The following ZSWIM5 variants were observed in gnomAD, a reference collection of about 807,000 sequenced individuals.
The protein encoded by ZSWIM5 is zinc finger SWIM domain-containing protein 5.
Under a neutral mutation model 119.6 loss-of-function variants are expected in ZSWIM5, and 55 were observed. The ratio of observed to expected loss-of-function variants is 0.46; its 90% CI spans 0.37 to 0.58. The LOEUF (loss-of-function observed/expected upper bound fraction) is 0.58, where lower values mean the gene tolerates loss of function less well. ZSWIM5 is among the 20% of genes least tolerant of loss of function. ZSWIM5 has a pLI of 0.00. For synonymous variants in ZSWIM5, 537 were observed against 606.9 expected (o/e 0.88, Z 1.69); for missense variants, 1,193 against 1,512.8 (o/e 0.79, Z 3.51).
intron 1 of ZSWIM5, among the ~76,000 whole-genome samples, chr1:45,112,430 G>A (rs1016505485): frequency 6.6e-6 from 1 of 152,182 alleles, no homozygotes; most frequent in African/African-American, 2.4e-5. Flanking sequence ...TTATTTCATT[G>A]TAGTGAGAAA....
intron 1 of ZSWIM5, among the ~76,000 whole-genome samples, chr1:45,203,560 G>A (rs1646170422): frequency 6.6e-6 from 1 of 151,986 alleles, no homozygotes; most frequent in South Asian, 2.1e-4. Flanking sequence ...AATTAATTGA[G>A]TTTGAAGTGC....
intron 2 of ZSWIM5, among the ~76,000 whole-genome samples, chr1:45,077,668 T>C (rs2149007235): frequency 6.6e-6 from 1 of 152,294 alleles, no homozygotes; most frequent in African/African-American, 2.4e-5. Context: ...GAATTTCCTC[T>C]TCCTAATAAG....
chr1:45,043,158 C>A, intron 6 of ZSWIM5, 61 bp downstream of exon 6: 1 of 1,551,056 alleles, frequency 6.4e-7, no homozygotes, highest in South Asian at 1.1e-5. Flanking sequence ...GAAGATGGCT[C>A]ATTTGGGCCT....
intron 1 of ZSWIM5, among the ~76,000 whole-genome samples, chr1:45,142,107 G>A (rs901844008): frequency 1.3e-5 from 2 of 152,048 alleles, no homozygotes; most frequent in African/African-American, 4.8e-5. Flanking sequence ...CTACTCAGGA[G>A]AACAAGGTGA....
At chr1:45,120,292 C>T (rs1320491254) in intron 1 of ZSWIM5, among the ~76,000 whole-genome samples, 3 of 152,164 alleles carry the variant, frequency 2.0e-5, no homozygotes, top group African/African-American at 4.8e-5. Flanking sequence ...CGCAGTGAGC[C>T]GCCACCACAC....
At position 45,169,566 on chromosome 1, in the gene ZSWIM5, T is replaced by G. The variant is rs549293574; in HGVS notation, c.595+36190A>C. Among the ~76,000 whole-genome samples, 21 of 152,162 alleles carry G rather than the reference T, an allele frequency of 1.4e-4. 1 individual carries two copies. The South Asian group carries it at 4.1e-3, about 30-fold the overall frequency. ...ACCATACTGTCTCTTCCTACTTCAA[T>G]TTAAATGACACAGAACTGCCAGATT... is the stretch of plus-strand genomic sequence containing the variant. On this transcript the variant is annotated intron_variant, in intron 1 of 13. Coordinates refer to ENST00000359600, the MANE Select transcript of ZSWIM5 (RefSeq NM_020883.2).
intron 1 of ZSWIM5, among the ~76,000 whole-genome samples, chr1:45,184,422 T>A (rs1646043551): frequency 6.6e-6 from 1 of 152,122 alleles, no homozygotes; most frequent in Non-Finnish European, 1.5e-5. Context: ...GAGAAGGAAA[T>A]AAAGGGTATT....
In ZSWIM5 at chr1:45,016,780, CTT is replaced by C. The variant is rs1557736560; in HGVS notation, c.*1672_*1673del. 6.6e-6 allele frequency: 1 copy of C among 152,246 alleles called. No individual in the cohort carries two copies. The highest frequency in any genetic ancestry group is 1.5e-5 in the Non-Finnish European group (1 of 68,058). 9.4% of individuals were successfully genotyped at this position (152,246 alleles called of 1,614,324 possible). A position where few individuals can be genotyped will look rare whatever the true frequency, so the allele number is the denominator to read the frequency against. On this transcript the variant is annotated 3_prime_UTR_variant, in exon 14 of 14. Coordinates refer to ENST00000359600, the MANE Select transcript of ZSWIM5 (RefSeq NM_020883.2). ...ACACCAAGACACTGGTTCCAACTGA[CTT>C]TTCTGAGTGCCCTTGCTACCTCCTA...
intron 2 of ZSWIM5, among the ~76,000 whole-genome samples, chr1:45,080,628 A>T (rs144646518): frequency 1.1e-4 from 17 of 152,266 alleles, no homozygotes; most frequent in Non-Finnish European, 2.2e-4. Context: ...TTATGTGGGT[A>T]CTTTTTTTGT....
At chr1:45,046,261 G>T (rs59682873) in intron 5 of ZSWIM5, among the ~76,000 whole-genome samples, 18 of 152,170 alleles carry the variant, frequency 1.2e-4, no homozygotes, top group Non-Finnish European at 2.6e-4. Flanking sequence ...TAAGGTGGAA[G>T]GGCAGAAGAA....
intron 5 of ZSWIM5, among the ~76,000 whole-genome samples, chr1:45,050,458 C>T (rs1645082684): frequency 6.6e-6 from 1 of 152,180 alleles, no homozygotes; most frequent in Admixed American, 6.5e-5. Context: ...CAATTGACAA[C>T]ATCAAATAGA....
At chr1:45,205,659 G>T in intron 1 of ZSWIM5, 97 bp downstream of exon 1, 1 of 1,292,012 alleles carries the variant, frequency 7.7e-7, no homozygotes. Flanking sequence ...CAGGAGTTGG[G>T]CAGAAGGCCG....
chr1:45,180,736 C>A (rs1277758080), intron 1 of ZSWIM5, among the ~76,000 whole-genome samples: 2 of 152,234 alleles, frequency 1.3e-5, no homozygotes, highest in Admixed American at 1.3e-4. Context: ...TGAGACAAAG[C>A]TTCCAGAGGA....
At chr1:45,068,492 G>A (rs963234736) in intron 2 of ZSWIM5, among the ~76,000 whole-genome samples, 12 of 44,208 alleles carry the variant, frequency 2.7e-4, no homozygotes, top group Admixed American at 9.0e-4. Context: ...GCGAAACTCC[G>A]TCTCAAAAAA....
chr1:45,115,901 CG>C (rs1431165958), intron 1 of ZSWIM5, among the ~76,000 whole-genome samples: 5 of 152,140 alleles, frequency 3.3e-5, no homozygotes, highest in African/African-American at 1.2e-4. Context: ...CCAAGGCAGG[CG>C]GCTGGGAGGT....
At chr1:45,090,607 TG>T (rs1570085125) in intron 1 of ZSWIM5, among the ~76,000 whole-genome samples, 1 of 151,756 alleles carries the variant, frequency 6.6e-6, no homozygotes, top group East Asian at 1.9e-4. Context: ...AAAAAATTTG[TG>T]ACCTGACTGC....
At chr1:45,160,506 C>T (rs1354927588) in intron 1 of ZSWIM5, among the ~76,000 whole-genome samples, 2 of 152,076 alleles carry the variant, frequency 1.3e-5, no homozygotes, top group Non-Finnish European at 2.9e-5. Flanking sequence ...TTAGCTTCTA[C>T]CTTTGAGTGA....
chr1:45,064,120 T>G (rs1645168743), intron 2 of ZSWIM5, among the ~76,000 whole-genome samples: 2 of 152,220 alleles, frequency 1.3e-5, no homozygotes, highest in Non-Finnish European at 2.9e-5. Flanking sequence ...CATTGCCACC[T>G]GCCGAAAGTA....
intron 6 of ZSWIM5, among the ~76,000 whole-genome samples, chr1:45,042,634 G>A (rs12760109): frequency 0.26 from 39,292 of 152,086 alleles, 5,348 homozygotes; most frequent in East Asian, 0.38. Context: ...TAAAAAGAAT[G>A]TCTCTTTTGA....
Sources: allele counts gnomAD v4.1 joint callset (sites outside exome capture counted in the v4.1 genomes callset), GRCh38; gene constraint gnomAD v4.1.1; transcripts MANE v1.5; gene names NCBI Gene and HGNC (gene_info 2026-07-23, HGNC 2026-07-21).